Variants in RASAL3 observed in about 807,000 individuals in gnomAD.
RASAL3 encodes RAS protein activator like-3.
RASAL3 carries 74 observed loss-of-function variants against 105.5 expected under a neutral mutation model. That is an observed-to-expected ratio of 0.70 (90% confidence interval 0.58 to 0.85). RASAL3 has a LOEUF of 0.85. Ranked by LOEUF, RASAL3 falls within the 40% of genes least tolerant of loss-of-function variation. The pLI, the probability that RASAL3 is intolerant of heterozygous loss-of-function variation, is 0.00. For missense variants in RASAL3, 1,352 were observed against 1,392.0 expected, an observed-to-expected ratio of 0.97 and a Z score of 0.46; for synonymous variants, 579 against 591.6, an observed-to-expected ratio of 0.98 and a Z score of 0.31.
In RASAL3 at chr19:15,451,703, G is replaced by C; in HGVS notation, c.*92C>G. The C allele has an allele frequency of 7.1e-7, 1 of 1,412,294 alleles. No homozygotes were observed. The allele number at this position is 1,412,294 out of a possible 1,614,324, so 87.5% of individuals were successfully genotyped here. A position where few individuals can be genotyped will look rare whatever the true frequency, so the allele number is the denominator to read the frequency against. On this transcript the variant is annotated 3_prime_UTR_variant, in exon 18 of 18. Transcript: ENST00000343625. The stretch of plus-strand genomic sequence containing the variant: ...ACCAGCAGCTCCACTCCCCACTGTA[G>C]GCCAAGTAGGGCTAAGGCAAAGTCA...
At chr19:15,452,874 G>T in intron 15 of RASAL3, 59 bp from the exon 16 acceptor site, 1 of 1,483,124 alleles carries the variant, frequency 6.7e-7, no homozygotes, top group South Asian at 1.3e-5. Flanking sequence ...TCTCCCCGGA[G>T]ACCCTGACCT....
rs190217887 is a variant in RASAL3, at chr19:15,451,747, G to T, written c.*48C>A. The T allele has an allele frequency of 1.3e-6, 2 of 1,550,088 alleles. No homozygotes were observed. Among genetic ancestry groups the T allele is most frequent in the Admixed American group, 1.8e-5 (1 of 54,836 alleles). On this transcript the variant is annotated 3_prime_UTR_variant, in exon 18 of 18. Coordinates refer to ENST00000343625, the MANE Select transcript of RASAL3 (RefSeq NM_022904.3). The stretch of plus-strand genomic sequence containing the variant: ...AAAGTCAGACACCCCCCCTAAGATG[G>T]CTATCTCTCTGCTCCCAGACCACGT...
chr19:15,452,256 A>G (rs1970174629), intron 16 of RASAL3, 148 bp from the exon 17 acceptor site: 1 of 738,762 alleles, frequency 1.4e-6, no homozygotes, highest in African/African-American at 1.7e-5. Context: ...ATATGCTTGA[A>G]GAAGGGTCGG....
chr19:15,464,080 A>G lies in RASAL3; in HGVS notation c.279T>C (p.His93=). The G allele has an allele frequency of 6.2e-7, 1 of 1,600,254 alleles. No homozygotes were observed. The highest frequency in any genetic ancestry group is 8.5e-7 in the Non-Finnish European group (1 of 1,171,366). ...GGTCTGGCTCCGGCGGTGGGTTCTT[A>G]TGCCTCCCCCAGAGGGCCTTGGAGA... ...LRLSKALWGR[H]KNPPPEPDPE... is the part of the protein sequence containing the mutation. Residue 93 remains histidine (H), a synonymous_variant, in exon 2 of 18, where the codon CAT becomes CAC. Coordinates refer to ENST00000343625, the MANE Select transcript of RASAL3 (RefSeq NM_022904.3).
At chr19:15,458,490 G>A (rs1970401408) in intron 7 of RASAL3, 39 bp downstream of exon 7, 2 of 1,613,696 alleles carry the variant, frequency 1.2e-6, no homozygotes, top group East Asian at 4.5e-5. Flanking sequence ...GGTGGGAGGT[G>A]GGACTGAGGT....
At position 15,453,465 on chromosome 19, in the gene RASAL3, G is replaced by C. The variant is rs747145692; in HGVS notation, c.2312C>G (p.Ala771Gly). 4 of 1,541,536 alleles carry C rather than the reference G, an allele frequency of 2.6e-6. No individual in the cohort carries two copies. The South Asian group carries it at 4.9e-5, about 19-fold the overall frequency. The change falls in exon 15 of 18, where the codon GCC becomes GGC. Residue 771 changes from alanine to glycine, a missense_variant. Physicochemically the swap from Ala to Gly is moderately conservative, Grantham distance 60. Around this residue, in one of 3 missense-constraint regions of RASAL3, gnomAD observed 920 missense variants for 919.6 expected, o/e 1.00. Coordinates refer to ENST00000343625, the MANE Select transcript of RASAL3 (RefSeq NM_022904.3). This position sits in a 1 kb window ranked among gnomAD's most constrained non-coding sequence, Gnocchi z 4.2. ...LSAGEKPGFL[A>G]PRDLPKHTPL... ...GGTGTGCTTGGGGAGGTCCCGGGGG[G>C]CCAGGAAGCCGGGCTTCTCCCCTGC...
In RASAL3 at chr19:15,457,089, T is replaced by C. The variant is rs145527853; in HGVS notation, c.1431+203A>G. On this transcript the variant is annotated intron_variant, in intron 9 of 17. Transcript: ENST00000343625. This position sits in a 1 kb window ranked among gnomAD's most constrained non-coding sequence, Gnocchi z 8.6. ...AAGGTGCCCCGCCCCTTACGGGTGATGTTCAGGCCCCGCCCTTCTAGGTGC... is the reference window on the plus strand; with the variant it reads ...AAGGTGCCCCGCCCCTTACGGGTGACGTTCAGGCCCCGCCCTTCTAGGTGC... Among the ~76,000 whole-genome samples, 1 of 148,976 alleles carries C rather than the reference T, an allele frequency of 6.7e-6. No homozygotes were observed. The highest frequency in any genetic ancestry group is 2.5e-5 in the African/African-American group (1 of 40,322).
chr19:15,454,335 C>T (rs754399137), intron 13 of RASAL3, 26 bp downstream of exon 13: 2 of 1,591,554 alleles, frequency 1.3e-6, no homozygotes, highest in African/African-American at 1.3e-5. Context: ...GCCTTCTTGC[C>T]TCCCTACTCT....
At chr19:15,460,405 A>C in intron 5 of RASAL3, 147 bp from the exon 6 acceptor site, 1 of 751,700 alleles carries the variant, frequency 1.3e-6, no homozygotes, top group African/African-American at 1.8e-5. Flanking sequence ...AGCAATCAGC[A>C]GCTCCTAATT....
Position 15,457,701 on chromosome 19 carries a change from G to T in RASAL3, c.1022C>A (p.Ala341Glu), listed in dbSNP as rs1279462984. 4 of 1,473,208 alleles carry T rather than the reference G, an allele frequency of 2.7e-6. No individual in the cohort carries two copies. Among genetic ancestry groups the T allele is most frequent in the South Asian group, 1.3e-5 (1 of 75,972 alleles). 91.3% of individuals were successfully genotyped at this position (1,473,208 alleles called of 1,614,324 possible). Residue 341 changes from alanine to glutamate, a missense_variant, in exon 9 of 18, where the codon GCG becomes GAG. By Grantham distance (107) the Ala-to-Glu change is moderately radical. Around this residue, in one of 3 missense-constraint regions of RASAL3, gnomAD observed 88 missense variants for 132.7 expected, o/e 0.66. Coordinates refer to ENST00000343625, the MANE Select transcript of RASAL3 (RefSeq NM_022904.3). This position sits in a 1 kb window ranked among gnomAD's most constrained non-coding sequence, Gnocchi z 8.6. ...GAGCTGGCCTGGGCCGGCCCGAGGC[G>T]CCGTGCGTGCCAGCAGCGCGCCATC... The part of the protein sequence containing the change: ...WLDGALLART[A>E]PRAGPGQLFW...
At position 15,456,176 on chromosome 19, in the gene RASAL3, T is replaced by C. The variant is rs1264236031; in HGVS notation, c.1649A>G (p.Glu550Gly). The change falls in exon 11 of 18, where the codon GAG becomes GGG. Residue 550 changes from glutamate to glycine, a missense_variant. This residue lies in a region of RASAL3 where 920 missense variants were observed against 919.6 expected (regional missense o/e 1.00). Coordinates refer to ENST00000343625, the MANE Select transcript of RASAL3 (RefSeq NM_022904.3). This position sits in a 1 kb window ranked among gnomAD's most constrained non-coding sequence, Gnocchi z 4.4. ...EVDPSKCPASELPEHQARLRN... is the reference protein window; with the variant it reads ...EVDPSKCPASGLPEHQARLRN... ...AAGTCTGGCCTGGTGCTCTGGCAGC[T>C]CCGAGGCTGGACATTTGCTGGGGTC... The C allele has an allele frequency of 1.2e-6, 2 of 1,613,660 alleles. No homozygotes were observed. The highest frequency in any genetic ancestry group is 1.3e-5 in the African/African-American group (1 of 74,842).
intron 6 of RASAL3, among the ~76,000 whole-genome samples, chr19:15,459,104 A>G (rs943208635): frequency 6.6e-6 from 1 of 150,744 alleles, no homozygotes; most frequent in African/African-American, 2.4e-5. Flanking sequence ...CTAATTTTCT[A>G]ATTTTTATAT....
chr19:15,452,194 G>T, intron 16 of RASAL3, 86 bp from the exon 17 acceptor site: 1 of 1,389,020 alleles, frequency 7.2e-7, no homozygotes, highest in Non-Finnish European at 1.0e-6. Context: ...GACTCCGGGG[G>T]CGGAGCTTGG....
intron 6 of RASAL3, 25 bp downstream of exon 6, chr19:15,460,178 C>T (rs1468560619): frequency 1.1e-5 from 18 of 1,591,856 alleles, no homozygotes; most frequent in Non-Finnish European, 1.5e-5. Context: ...AACCCCAGCC[C>T]CTCCAGCCTC....
chr19:15,456,289 C>T lies in RASAL3; in HGVS notation c.1577-41G>A. On this transcript the variant is annotated intron_variant, in intron 10 of 17. Transcript: ENST00000343625. This position sits in a 1 kb window ranked among gnomAD's most constrained non-coding sequence, Gnocchi z 4.4. Reference sequence around the variant, plus strand: ...GCCAGATAGGGGCTGGGGCCATGACCACCAAAACCTGCCACACCCATCCTC... The same window carrying T: ...GCCAGATAGGGGCTGGGGCCATGACTACCAAAACCTGCCACACCCATCCTC... The T allele has an allele frequency of 6.2e-7, 1 of 1,600,384 alleles. No individual in the cohort carries two copies. The highest frequency in any genetic ancestry group is 8.5e-7 in the Non-Finnish European group (1 of 1,171,126).
chr19:15,458,938 CTATT>C (rs113274252), intron 6 of RASAL3, among the ~76,000 whole-genome samples: 49,073 of 150,702 alleles, frequency 0.33, 8,025 homozygotes, highest in Middle Eastern at 0.47. Context: ...TTATTTTATC[CTATT>C]TATTTATTTA....
Position 15,453,800 on chromosome 19 carries a change from T to C in RASAL3, c.2280-303A>G, listed in dbSNP as rs1343527900. ...TTGGTAGAGATGGGGTCTCCCTATGTTGCCCAGGCTTGTCTTAAGTTCCTG... is the reference window on the plus strand; with the variant it reads ...TTGGTAGAGATGGGGTCTCCCTATGCTGCCCAGGCTTGTCTTAAGTTCCTG... On this transcript the variant is annotated intron_variant, in intron 14 of 17. Transcript: ENST00000343625. This position sits in a 1 kb window ranked among gnomAD's most constrained non-coding sequence, Gnocchi z 4.2. 6.6e-6 allele frequency among the ~76,000 whole-genome samples: 1 copy of C among 151,858 alleles called. No homozygotes were observed. Among genetic ancestry groups the C allele is most frequent in the East Asian group, 1.9e-4 (1 of 5,174 alleles).
At position 15,453,382 on chromosome 19, in the gene RASAL3, G is replaced by A. The variant is rs566724491; in HGVS notation, c.2395C>T (p.Arg799Trp). ...RSVRRSESWA[R>W]PRPDEERPLR... ...GGCCGCTCTTCGTCCGGCCGTGGCC[G>A]GGCCCAACTCTCTGAGCGGCGAACG... The change falls in exon 15 of 18, where the codon CGG (arginine) becomes TGG (tryptophan). Residue 799 changes from arginine (R) to tryptophan (W), a missense_variant. Arg to Trp is a moderately radical substitution (Grantham distance 101). Around this residue, in one of 3 missense-constraint regions of RASAL3, gnomAD observed 920 missense variants for 919.6 expected, o/e 1.00. Transcript: ENST00000343625. The surrounding 1 kb of genome is among the most constrained non-coding windows in gnomAD (Gnocchi z 4.2). 2.7e-6 allele frequency: 4 copies of A among 1,466,698 alleles called. No homozygotes were observed. The highest frequency in any genetic ancestry group is 2.8e-5 in the East Asian group (1 of 35,564). The allele number at this position is 1,466,698 out of a possible 1,614,324, so 90.9% of individuals were successfully genotyped here.
At chr19:15,452,274 AC>A in intron 16 of RASAL3, 166 bp from the exon 17 acceptor site, 1 of 677,378 alleles carries the variant, frequency 1.5e-6, no homozygotes, top group East Asian at 2.7e-5. Context: ...CGGACCAGAG[AC>A]GGGAATGGTT....
Sources: allele counts gnomAD v4.1 joint callset (sites outside exome capture counted in the v4.1 genomes callset), GRCh38; gene constraint gnomAD v4.1.1; regional missense constraint gnomAD v4.1.1; non-coding constraint Gnocchi (gnomAD v3.1); transcripts MANE v1.5; gene names NCBI Gene and HGNC (gene_info 2026-07-23, HGNC 2026-07-21).